The following CASTOR2 variants were observed in gnomAD, a reference collection of about 807,000 sequenced individuals.
The protein encoded by CASTOR2 is cytosolic arginine sensor for mTORC1 subunit 2.
Under a neutral mutation model 31.2 loss-of-function variants are expected in CASTOR2, and 8 were observed. That is an observed-to-expected ratio of 0.26 (90% CI 0.15 to 0.46). The LOEUF (loss-of-function observed/expected upper bound fraction) is 0.46, where lower values mean the gene tolerates loss of function less well. Among genes scored for constraint, CASTOR2 ranks in the 20% least tolerant of loss-of-function variants. The pLI is 0.99. For missense variants in CASTOR2, 216 were observed against 382.1 expected (o/e 0.57, Z 3.62); for synonymous variants, 162 against 158.7 (o/e 1.02, Z -0.16).
chr7:75,003,018 T>A (rs2131941041), intron 1 of CASTOR2, among the ~76,000 whole-genome samples: 2 of 152,216 alleles, frequency 1.3e-5, no homozygotes, highest in South Asian at 4.1e-4. Context: ...GTGCTGTGCT[T>A]GGACTGGGGA....
chr7:75,009,511 A>T (rs1268784609), intron 2 of CASTOR2, among the ~76,000 whole-genome samples: 3 of 150,998 alleles, frequency 2.0e-5, no homozygotes, highest in Non-Finnish European at 2.9e-5. Flanking sequence ...CTCGTGATCC[A>T]CCCACCTCGG....
intron 7 of CASTOR2, among the ~76,000 whole-genome samples, chr7:75,022,921 CAT>C (rs1805038990): frequency 6.6e-6 from 1 of 152,194 alleles, no homozygotes; most frequent in Admixed American, 6.5e-5. Context: ...AATTTTTTAA[CAT>C]GTTTTCTTCA....
Position 75,017,585 on chromosome 7 carries a change from T to C in CASTOR2, c.185-13T>C. Reference sequence around the variant, plus strand: ...TCAGCAGTCACAGGACTGCCTTCTGTGTCTCCCTCCAGAGCTGCCCTCCTC... The same window carrying C: ...TCAGCAGTCACAGGACTGCCTTCTGCGTCTCCCTCCAGAGCTGCCCTCCTC... On this transcript the variant is annotated splice_polypyrimidine_tract_variant and intron_variant, in intron 2 of 8. Coordinates refer to ENST00000616305, the MANE Select transcript of CASTOR2 (RefSeq NM_001145064.3). The C allele has an allele frequency of 6.2e-7, 1 of 1,613,428 alleles. No homozygotes were observed. Among genetic ancestry groups the C allele is most frequent in the South Asian group, 1.1e-5 (1 of 91,018 alleles).
In CASTOR2 at chr7:75,025,122, G is replaced by C. The variant is rs1469000008; in HGVS notation, c.*423G>C. 6.6e-6 allele frequency among the ~76,000 whole-genome samples: 1 copy of C among 152,228 alleles called. No individual in the cohort carries two copies. The highest frequency in any genetic ancestry group is 2.4e-5 in the African/African-American group (1 of 41,470). ...GCTGGGGCTGGCGGGGTGGGGCCGA[G>C]TTTGGGGTGCCCTGGAGGGTTTGGG... On this transcript the variant is annotated 3_prime_UTR_variant, in exon 9 of 9. Transcript: ENST00000616305.
In CASTOR2 at chr7:75,024,840, G is replaced by C; in HGVS notation, c.*141G>C. 3 of 1,543,948 alleles carry C rather than the reference G, an allele frequency of 1.9e-6. No individual in the cohort carries two copies. The highest frequency in any genetic ancestry group is 1.4e-5 in the African/African-American group (1 of 72,836). On this transcript the variant is annotated 3_prime_UTR_variant, in exon 9 of 9. Coordinates refer to ENST00000616305, the MANE Select transcript of CASTOR2 (RefSeq NM_001145064.3). ...GCCTCTGTGGGAGACTCCCTCGATT[G>C]CCAATCCCTCCAGGGCAGGGGCCCA...
chr7:74,995,579 G>A (rs782218352), intron 1 of CASTOR2, among the ~76,000 whole-genome samples: 116 of 150,886 alleles, frequency 7.7e-4, no homozygotes, highest in Non-Finnish European at 1.4e-3. Flanking sequence ...AGGCCGTGGC[G>A]GGCGGGTCAC....
intron 1 of CASTOR2, among the ~76,000 whole-genome samples, chr7:74,998,971 G>A (rs1476201905): frequency 6.6e-6 from 1 of 151,816 alleles, no homozygotes; most frequent in African/African-American, 2.4e-5. Flanking sequence ...GGTCGCCCGT[G>A]ACACAAGCAC....
At chr7:74,975,954 C>G (rs1340522697) in intron 1 of CASTOR2, among the ~76,000 whole-genome samples, 1 of 150,042 alleles carries the variant, frequency 6.7e-6, no homozygotes, top group African/African-American at 2.4e-5. Context: ...GCATCCCACC[C>G]CCAACCGGCA....
At chr7:75,011,290 A>G (rs1393085253) in intron 2 of CASTOR2, among the ~76,000 whole-genome samples, 1 of 151,672 alleles carries the variant, frequency 6.6e-6, no homozygotes, top group Non-Finnish European at 1.5e-5. Flanking sequence ...TTACCCGGGC[A>G]TGGGGACACA....
chr7:75,009,558 G>T (rs587769623), intron 2 of CASTOR2, among the ~76,000 whole-genome samples: 1 of 151,706 alleles, frequency 6.6e-6, no homozygotes, highest in African/African-American at 2.4e-5. Flanking sequence ...GTGAGCCACC[G>T]CGCCCGGCCC....
chr7:75,020,455 T>TCCTG (rs1379207178), intron 6 of CASTOR2, among the ~76,000 whole-genome samples: 2 of 150,222 alleles, frequency 1.3e-5, no homozygotes, highest in African/African-American at 4.9e-5. Context: ...GGTCTCAAGC[T>TCCTG]CCTGACCTCA....
chr7:74,969,137 A>G (rs1803621772), intron 1 of CASTOR2, among the ~76,000 whole-genome samples: 1 of 14,748 alleles, frequency 6.8e-5, no homozygotes, highest in East Asian at 3.4e-3. Context: ...AGATTTTGCT[A>G]TTGCAGGTTG....
In CASTOR2 at chr7:75,020,037, A is replaced by G; in HGVS notation, c.636-2A>G. 1 of 1,551,276 alleles carries G rather than the reference A, an allele frequency of 6.4e-7. No homozygotes were observed. Among genetic ancestry groups the G allele is most frequent in the Non-Finnish European group, 8.7e-7 (1 of 1,146,772 alleles). Reference sequence around the variant, plus strand: ...TCTTTACCAGCTGCCTCTGGTCCCCAGAGTGAAGGACCCCATGGCCACTGG... The same window carrying G: ...TCTTTACCAGCTGCCTCTGGTCCCCGGAGTGAAGGACCCCATGGCCACTGG... On this transcript the variant is annotated splice_acceptor_variant, in intron 5 of 8. Transcript: ENST00000616305. LOFTEE classifies it high-confidence loss of function.
At chr7:74,992,202 G>T (rs1436960004) in intron 1 of CASTOR2, among the ~76,000 whole-genome samples, 4 of 152,052 alleles carry the variant, frequency 2.6e-5, no homozygotes, top group African/African-American at 9.7e-5. Flanking sequence ...GTCCTGTCTC[G>T]TGCAAAGTGT....
chr7:74,989,845 G>A (rs1158523489), intron 1 of CASTOR2, among the ~76,000 whole-genome samples: 7 of 152,212 alleles, frequency 4.6e-5, no homozygotes, highest in Admixed American at 2.0e-4. Flanking sequence ...CTAGAGCAGT[G>A]GCTGCCTCCA....
chr7:74,975,961 G>A (rs587766836), intron 1 of CASTOR2, among the ~76,000 whole-genome samples: 5 of 150,178 alleles, frequency 3.3e-5, no homozygotes, highest in African/African-American at 9.8e-5. Context: ...ACCCCCAACC[G>A]GCAGAGCGGG....
chr7:74,995,787 A>G (rs1292434376), intron 1 of CASTOR2, among the ~76,000 whole-genome samples: 2 of 151,792 alleles, frequency 1.3e-5, no homozygotes, highest in African/African-American at 4.8e-5. Context: ...CAGCCTGGGC[A>G]ACAGAGCGAG....
intron 1 of CASTOR2, among the ~76,000 whole-genome samples, chr7:75,003,988 T>C (rs1333861509): frequency 1.3e-5 from 2 of 152,204 alleles, no homozygotes; most frequent in African/African-American, 2.4e-5. Context: ...TGTTGCCTTC[T>C]GCTGGTGTTT....
rs1804908218 is a variant in CASTOR2, at chr7:75,018,071, G to A, written c.460G>A (p.Val154Met). Residue 154 changes from valine to methionine, a missense_variant, in exon 4 of 9, where the codon GTG becomes ATG. This residue lies in a region of CASTOR2 where 114 missense variants were observed against 194.2 expected (regional missense o/e 0.59). Coordinates refer to ENST00000616305, the MANE Select transcript of CASTOR2 (RefSeq NM_001145064.3). Reference sequence around the variant, plus strand: ...CCTGCGGGTCGTCAATGGCGAGACCGTGGCAGCCGAGAACCTCGGCATCAC... The same window carrying A: ...CCTGCGGGTCGTCAATGGCGAGACCATGGCAGCCGAGAACCTCGGCATCAC... ...TILRVVNGET[V>M]AAENLGITNG... 8.7e-6 allele frequency: 14 copies of A among 1,614,166 alleles called. No homozygotes were observed. Among genetic ancestry groups the A allele is most frequent in the Admixed American group, 6.7e-5 (4 of 60,020 alleles).
Sources: allele counts gnomAD v4.1 joint callset (sites outside exome capture counted in the v4.1 genomes callset), GRCh38; gene constraint gnomAD v4.1.1; regional missense constraint gnomAD v4.1.1; transcripts MANE v1.5; gene names NCBI Gene and HGNC (gene_info 2026-07-23, HGNC 2026-07-21).